Variants in SGCD observed in about 807,000 individuals in gnomAD.
SGCD encodes the protein sarcoglycan delta.
Under a neutral mutation model 36.6 loss-of-function variants are expected in SGCD, and 18 were observed. The ratio of observed to expected loss-of-function variants is 0.49; its 90% confidence interval spans 0.34 to 0.73. The LOEUF (loss-of-function observed/expected upper bound fraction) is 0.73, where lower values mean the gene tolerates loss of function less well. Among genes scored for constraint, SGCD ranks in the 30% least tolerant of loss-of-function variants. SGCD has a pLI of 0.01. For synonymous variants in SGCD, 133 were observed against 130.6 expected (o/e 1.02, Z -0.12); for missense variants, 387 against 346.7 (o/e 1.12, Z -0.92).
At chr5:156,603,381 A>G (rs1761280258) in intron 6 of SGCD, among the ~76,000 whole-genome samples, 1 of 152,018 alleles carries the variant, frequency 6.6e-6, no homozygotes, top group Non-Finnish European at 1.5e-5. Flanking sequence ...CAAAAAAACA[A>G]CTTTGTTTCA....
chr5:155,840,975 T>C, the SGCD span, among the ~76,000 whole-genome samples: 4 of 128,368 alleles, frequency 3.1e-5, no homozygotes, highest in African/African-American at 1.2e-4. Flanking sequence ...CGCACCACTA[T>C]ACTCCAGTCT....
chr5:156,515,137 G>C (rs1028349982), intron 4 of SGCD, among the ~76,000 whole-genome samples: 2 of 151,896 alleles, frequency 1.3e-5, no homozygotes, highest in African/African-American at 4.8e-5. Flanking sequence ...TTCCTTTGCT[G>C]TGTTACCTTC....
intron 4 of SGCD, among the ~76,000 whole-genome samples, chr5:156,520,416 A>G (rs1249403508): frequency 6.6e-6 from 1 of 152,238 alleles, no homozygotes; most frequent in Non-Finnish European, 1.5e-5. Flanking sequence ...GGAAGAATCA[A>G]TATTGTGAAA....
At chr5:156,539,638 T>A (rs577353319) in intron 4 of SGCD, among the ~76,000 whole-genome samples, 2 of 152,262 alleles carry the variant, frequency 1.3e-5, no homozygotes, top group African/African-American at 4.8e-5. Flanking sequence ...ATATATCATA[T>A]TTTCTTTATC....
At chr5:156,416,424 C>G (rs1306480450) in intron 3 of SGCD, among the ~76,000 whole-genome samples, 1 of 152,092 alleles carries the variant, frequency 6.6e-6, no homozygotes, top group South Asian at 2.1e-4. Context: ...GTACACTGCT[C>G]AGGTGATGGG....
chr5:156,717,207 A>G (rs940558405), intron 7 of SGCD, among the ~76,000 whole-genome samples: 1 of 152,192 alleles, frequency 6.6e-6, no homozygotes, highest in Non-Finnish European at 1.5e-5. Context: ...GGATGCCTCA[A>G]AGAGAGAGAA....
chr5:155,846,376 C>A, the SGCD span, among the ~76,000 whole-genome samples: 1 of 152,120 alleles, frequency 6.6e-6, no homozygotes, highest in Non-Finnish European at 1.5e-5. Flanking sequence ...ATATAGATGT[C>A]GAACAATTAG....
chr5:156,260,863 T>G (rs1765841642), intron 3 of SGCD, among the ~76,000 whole-genome samples: 1 of 152,142 alleles, frequency 6.6e-6, no homozygotes, highest in Admixed American at 6.5e-5. Context: ...TATTTCTAGT[T>G]TGCTGAGAGT....
upstream of SGCD, chr5:156,326,986 G>C (rs1319150812): frequency 6.6e-6 from 1 of 152,312 alleles, no homozygotes; most frequent in Non-Finnish European, 1.5e-5. Context: ...AAGCCATATT[G>C]AAGTACGGAG....
chr5:155,753,576 A>G, the SGCD span, among the ~76,000 whole-genome samples: 3 of 152,112 alleles, frequency 2.0e-5, no homozygotes, highest in Non-Finnish European at 4.4e-5. Context: ...CAATGTGCAC[A>G]AAGGGCCACG....
chr5:156,758,995 A>C (rs1338877814), intron 8 of SGCD, among the ~76,000 whole-genome samples: 1 of 152,232 alleles, frequency 6.6e-6, no homozygotes, highest in Non-Finnish European at 1.5e-5. Context: ...CAAAATGCTA[A>C]CATAGATCAA....
chr5:156,592,650 T>C (rs537311122), intron 5 of SGCD, among the ~76,000 whole-genome samples: 1 of 152,258 alleles, frequency 6.6e-6, no homozygotes, highest in East Asian at 1.9e-4. Context: ...CATTCCAGAC[T>C]GAGACCTGCC....
intron 3 of SGCD, among the ~76,000 whole-genome samples, chr5:156,486,181 G>T (rs1436928153): frequency 6.6e-6 from 1 of 151,830 alleles, no homozygotes; most frequent in Non-Finnish European, 1.5e-5. Context: ...ATCCCTTCAT[G>T]TCCACCCAGA....
At chr5:155,811,345 G>A in the SGCD span, among the ~76,000 whole-genome samples, 1 of 152,222 alleles carries the variant, frequency 6.6e-6, no homozygotes, top group South Asian at 2.1e-4. Flanking sequence ...TTCCATGCCT[G>A]GGAATTGGCA....
intron 3 of SGCD, among the ~76,000 whole-genome samples, chr5:156,272,176 C>A (rs1169263126): frequency 6.6e-6 from 1 of 151,342 alleles, no homozygotes; most frequent in African/African-American, 2.5e-5. Context: ...TCTCAATCTT[C>A]CCCCCACTCT....
chr5:156,498,446 C>T (rs770499311), intron 3 of SGCD, among the ~76,000 whole-genome samples: 4 of 152,104 alleles, frequency 2.6e-5, no homozygotes, highest in Non-Finnish European at 4.4e-5. Flanking sequence ...TCTTCTCCGC[C>T]CTAGACAACC....
intron 1 of SGCD, among the ~76,000 whole-genome samples, chr5:155,898,527 G>A (rs1756318637): frequency 6.6e-6 from 1 of 152,192 alleles, no homozygotes; most frequent in South Asian, 2.1e-4. Context: ...GGGAGCCACA[G>A]CAGTGAGTAA....
intron 3 of SGCD, among the ~76,000 whole-genome samples, chr5:156,363,070 A>C (rs1190022600): frequency 2.6e-5 from 4 of 151,646 alleles, no homozygotes; most frequent in African/African-American, 9.7e-5. Context: ...GGGTTTTCTG[A>C]TAAATGCTTA....
chr5:156,013,175 C>A (rs1391038958), intron 1 of SGCD, among the ~76,000 whole-genome samples: 3 of 151,838 alleles, frequency 2.0e-5, no homozygotes, highest in Non-Finnish European at 4.4e-5. Context: ...TGGGCACACG[C>A]CACCACACCC....
Sources: allele counts gnomAD v4.1 joint callset (sites outside exome capture counted in the v4.1 genomes callset), GRCh38; gene constraint gnomAD v4.1.1; transcripts MANE v1.5; gene names NCBI Gene and HGNC (gene_info 2026-07-23, HGNC 2026-07-21).